The following EXTL1 variants were observed in gnomAD, a reference collection of about 807,000 sequenced individuals.
EXTL1 encodes exostosin-like 1.
Under a neutral mutation model 64.6 loss-of-function variants are expected in EXTL1, and 43 were observed. The observed-to-expected ratio is 0.67, with a 90% CI of 0.52 to 0.86. EXTL1 has a LOEUF of 0.86. Among genes scored for constraint, EXTL1 ranks in the 40% least tolerant of loss-of-function variants. The pLI is 0.00. For synonymous variants in EXTL1, 352 were observed against 360.5 expected, an observed-to-expected ratio of 0.98 and a Z score of 0.27; for missense variants, 766 against 879.0, an observed-to-expected ratio of 0.87 and a Z score of 1.62.
intron 7 of EXTL1, among the ~76,000 whole-genome samples, chr1:26,032,835 C>T (rs2124412534): frequency 6.6e-6 from 1 of 152,276 alleles, no homozygotes; most frequent in Middle Eastern, 3.4e-3. Context: ...GTGTGAACCA[C>T]CTGCCTGCCG....
intron 1 of EXTL1, among the ~76,000 whole-genome samples, chr1:26,024,214 C>A (rs1199699070): frequency 6.6e-6 from 1 of 152,132 alleles, no homozygotes; most frequent in Non-Finnish European, 1.5e-5. Flanking sequence ...GATAGTTATC[C>A]CCTAAGCACT....
In EXTL1 at chr1:26,023,244, T is replaced by C. The variant is rs769123732; in HGVS notation, c.598T>C (p.Phe200Leu). ...GCCCGGCTTTGATGTGGCCCTCCCT[T>C]TTCTCCCTGAAGCCCACCCGTTGCG... The part of the protein sequence containing the change: ...FRPGFDVALP[F>L]LPEAHPLRGG... Residue 200 changes from phenylalanine to leucine, a missense_variant, in exon 1 of 11, where the codon TTT becomes CTT. Physicochemically the swap from Phe to Leu is conservative, Grantham distance 22. Coordinates refer to ENST00000374280, the MANE Select transcript of EXTL1 (RefSeq NM_004455.3). 2 of 1,601,234 alleles carry C rather than the reference T, an allele frequency of 1.2e-6. No individual in the cohort carries two copies. The highest frequency in any genetic ancestry group is 4.5e-5 in the East Asian group (2 of 44,560).
At position 26,032,474 on chromosome 1, in the gene EXTL1, G is replaced by T; in HGVS notation, c.1420G>T (p.Gly474Trp). 6.4e-7 allele frequency: 1 copy of T among 1,551,650 alleles called. No homozygotes were observed. Among genetic ancestry groups the T allele is most frequent in the South Asian group, 1.2e-5 (1 of 84,038 alleles). The change falls in exon 7 of 11, where the codon GGG becomes TGG. Residue 474 changes from glycine (G) to tryptophan (W), a missense_variant. Physicochemically the swap from Gly to Trp is radical, Grantham distance 184. Coordinates refer to ENST00000374280, the MANE Select transcript of EXTL1 (RefSeq NM_004455.3). ...ETAVPLTVID[G>W]HRKVSDRFYP... is the part of the protein sequence containing the mutation. The stretch of plus-strand genomic sequence containing the variant: ...AGCTGTGCCCTTGACAGTCATTGAT[G>T]GGCACAGGAAGGTAAGGGATGAGGA...
Position 26,023,400 on chromosome 1 carries a change from T to C in EXTL1, c.754T>C (p.Cys252Arg). ...CTCTGCCTGCCCCTGGGATGGGCGC[T>C]GTGAGCAAGACCCTGGACCTGGGCA... ...GSSACPWDGR[C>R]EQDPGPGQTQ... Residue 252 changes from cysteine (C) to arginine (R), a missense_variant, in exon 1 of 11, where the codon TGT becomes CGT. Physicochemically the swap from Cys to Arg is radical, Grantham distance 180. Coordinates refer to ENST00000374280, the MANE Select transcript of EXTL1 (RefSeq NM_004455.3). 6.9e-7 allele frequency: 1 copy of C among 1,452,700 alleles called. No homozygotes were observed. Among genetic ancestry groups the C allele is most frequent in the Non-Finnish European group, 9.1e-7 (1 of 1,099,068 alleles). 90.0% of individuals were successfully genotyped at this position (1,452,700 alleles called of 1,614,324 possible). A position where few individuals can be genotyped will look rare whatever the true frequency, so the allele number is the denominator to read the frequency against.
chr1:26,022,502 G>C lies in EXTL1; in HGVS notation c.-145G>C, dbSNP rs1276101741. On this transcript the variant is annotated 5_prime_UTR_variant, in exon 1 of 11. Transcript: ENST00000374280. ...GACCTTAGACAGGCGGCCTGGTCTC[G>C]ATGGGCCTCAGTCTTCCCATCTGTA... The C allele has an allele frequency of 6.0e-6, 4 of 670,632 alleles. No homozygotes were observed. The highest frequency in any genetic ancestry group is 1.0e-5 in the Non-Finnish European group (4 of 392,824). The allele number at this position is 670,632 out of a possible 1,614,324, so 41.5% of individuals were successfully genotyped here.
rs1175757114 is a variant in EXTL1 at position 26,036,051 on chromosome 1, G to A, written c.*704G>A. On this transcript the variant is annotated 3_prime_UTR_variant, in exon 11 of 11. Transcript: ENST00000374280. The surrounding 1 kb of genome is among the most constrained non-coding windows in gnomAD (Gnocchi z 5.2). The stretch of plus-strand genomic sequence containing the variant: ...GTAAACGAGGAGTGGGGCGAGGAAA[G>A]CGGGATGGGAACAAGTGGCCTGTCC... 1 of 152,784 alleles carries A rather than the reference G, an allele frequency of 6.5e-6. No homozygotes were observed. Among genetic ancestry groups the A allele is most frequent in the Non-Finnish European group, 1.5e-5 (1 of 68,144 alleles). 9.5% of individuals were successfully genotyped at this position (152,784 alleles called of 1,614,324 possible). A position where few individuals can be genotyped will look rare whatever the true frequency, so the allele number is the denominator to read the frequency against.
In EXTL1 at chr1:26,035,157, C is replaced by G; in HGVS notation, c.1849-8C>G. ...AGCCCGTTAATGCATTGCTTCTTTC[C>G]CTCTTAGGCGCCTGGGGGCCCGGGG... On this transcript the variant is annotated splice_polypyrimidine_tract_variant and splice_region_variant and intron_variant, in intron 10 of 10. Coordinates refer to ENST00000374280, the MANE Select transcript of EXTL1 (RefSeq NM_004455.3). The surrounding 1 kb of genome is among the most constrained non-coding windows in gnomAD (Gnocchi z 5.3). The G allele has an allele frequency of 1.3e-6, 2 of 1,597,284 alleles. No homozygotes were observed. Among genetic ancestry groups the G allele is most frequent in the Non-Finnish European group, 1.7e-6 (2 of 1,170,236 alleles).
At position 26,034,700 on chromosome 1, in the gene EXTL1, G is replaced by C; in HGVS notation, c.1680-136G>C. On this transcript the variant is annotated intron_variant, in intron 9 of 10. Coordinates refer to ENST00000374280, the MANE Select transcript of EXTL1 (RefSeq NM_004455.3). The surrounding 1 kb of genome is among the most constrained non-coding windows in gnomAD (Gnocchi z 4.6). The stretch of plus-strand genomic sequence containing the variant: ...ATGGAGAGCTGTTCACGCCAGGGAT[G>C]GGAGCTCTCTGAGGCAGCCAGGGCT... The C allele has an allele frequency of 1.2e-6, 1 of 811,484 alleles. No homozygotes were observed. Among genetic ancestry groups the C allele is most frequent in the Non-Finnish European group, 2.0e-6 (1 of 497,782 alleles). 50.3% of individuals were successfully genotyped at this position (811,484 alleles called of 1,614,324 possible).
chr1:26,027,988 A>T (rs534239765), intron 1 of EXTL1, among the ~76,000 whole-genome samples: 1 of 152,208 alleles, frequency 6.6e-6, no homozygotes, highest in Admixed American at 6.5e-5. Context: ...GCCTTAACCT[A>T]GAGGTTTTCA....
At position 26,034,423 on chromosome 1, in the gene EXTL1, G is replaced by A. The variant is rs2050317489; in HGVS notation, c.1680-413G>A. Reference sequence around the variant, plus strand: ...TCAGTAGAGTGAAGAATTACCTAATGTCTGCGAGATGAGGCTGGCCTGTCT... The same window carrying A: ...TCAGTAGAGTGAAGAATTACCTAATATCTGCGAGATGAGGCTGGCCTGTCT... On this transcript the variant is annotated intron_variant, in intron 9 of 10. Transcript: ENST00000374280. This position sits in a 1 kb window ranked among gnomAD's most constrained non-coding sequence, Gnocchi z 4.6. Among the ~76,000 whole-genome samples the A allele has an allele frequency of 6.6e-6, 1 of 152,244 alleles. No individual in the cohort carries two copies. The highest frequency in any genetic ancestry group is 2.4e-5 in the African/African-American group (1 of 41,468).
intron 1 of EXTL1, among the ~76,000 whole-genome samples, chr1:26,027,693 A>AAAAAAAAAAAAAAAAAAAAAAAG (rs1553141858): frequency 7.6e-6 from 1 of 131,554 alleles, no homozygotes; most frequent in African/African-American, 3.0e-5. Flanking sequence ...CATCTCTAAA[A>AAAAAAAAAAAAAAAAAAAAAAAG]AAAAAAAAAA....
chr1:26,026,487 T>G (rs1006360904), intron 1 of EXTL1, among the ~76,000 whole-genome samples: 1 of 151,760 alleles, frequency 6.6e-6, no homozygotes, highest in Non-Finnish European at 1.5e-5. Flanking sequence ...AGAGATGGGG[T>G]TTCACCATGT....
At position 26,032,316 on chromosome 1, in the gene EXTL1, T is replaced by C. The variant is rs1421482010; in HGVS notation, c.1342-80T>C. Reference sequence around the variant, plus strand: ...CTGACTTCTCAAACTTCTTCCACCTTGAGAAAGATCACTCCTGCCCCTCGC... The same window carrying C: ...CTGACTTCTCAAACTTCTTCCACCTCGAGAAAGATCACTCCTGCCCCTCGC... On this transcript the variant is annotated intron_variant, in intron 6 of 10. Transcript: ENST00000374280. 23 of 907,020 alleles carry C rather than the reference T, an allele frequency of 2.5e-5. No homozygotes were observed. The East Asian group carries it at 6.1e-4, about 24-fold the overall frequency. The allele number at this position is 907,020 out of a possible 1,614,324, so 56.2% of individuals were successfully genotyped here. A position where few individuals can be genotyped will look rare whatever the true frequency, so the allele number is the denominator to read the frequency against.
intron 1 of EXTL1, among the ~76,000 whole-genome samples, chr1:26,026,316 CAA>C (rs2050215933): frequency 1.6e-5 from 2 of 121,236 alleles, no homozygotes; most frequent in Non-Finnish European, 3.4e-5. Context: ...TTTTTTGAGA[CAA>C]AGTCTTTCTC....
chr1:26,030,436 T>C lies in EXTL1; in HGVS notation c.982-40T>C, dbSNP rs747280408. 4 of 1,584,492 alleles carry C rather than the reference T, an allele frequency of 2.5e-6. No individual in the cohort carries two copies. The East Asian group carries it at 9.1e-5, about 36-fold the overall frequency. On this transcript the variant is annotated intron_variant, in intron 3 of 10. Coordinates refer to ENST00000374280, the MANE Select transcript of EXTL1 (RefSeq NM_004455.3). ...CAGCGTCGACCTCCTGGGCTCAAAATTGCTCTATTACCTGGCACTTTTCTC... is the reference window on the plus strand; with the variant it reads ...CAGCGTCGACCTCCTGGGCTCAAAACTGCTCTATTACCTGGCACTTTTCTC...
chr1:26,028,319 A>G (rs934660146), intron 1 of EXTL1, among the ~76,000 whole-genome samples: 9 of 152,192 alleles, frequency 5.9e-5, no homozygotes, highest in African/African-American at 2.2e-4. Context: ...CATCTGTTCA[A>G]TGGGGCATGG....
In EXTL1 at chr1:26,022,997, C is replaced by T. The variant is rs1569643418; in HGVS notation, c.351C>T (p.Ser117=). 6.2e-7 allele frequency: 1 copy of T among 1,614,184 alleles called. No individual in the cohort carries two copies. Among genetic ancestry groups the T allele is most frequent in the East Asian group, 2.2e-5 (1 of 44,870 alleles). Residue 117 remains serine, a synonymous_variant, in exon 1 of 11, where the codon TCC becomes TCT. Coordinates refer to ENST00000374280, the MANE Select transcript of EXTL1 (RefSeq NM_004455.3). The part of the protein sequence containing the change: ...ISETHRRILA[S]IEGSRFYTFS... ...AGACTCATCGCAGGATCCTGGCTTC[C>T]ATTGAGGGCTCTCGCTTCTACACAT...
rs2050163237 is a variant in EXTL1 at position 26,022,643 on chromosome 1, C to T, written c.-4C>T. On this transcript the variant is annotated 5_prime_UTR_variant, in exon 1 of 11. Transcript: ENST00000374280. ...CTTCCCTAGCCCTGACTGTGGGTGG[C>T]CACATGCAGTCGTGGAGGAGAAGAA... 6.3e-7 allele frequency: 1 copy of T among 1,577,130 alleles called. No individual in the cohort carries two copies. Among genetic ancestry groups the T allele is most frequent in the Non-Finnish European group, 8.6e-7 (1 of 1,160,100 alleles).
At chr1:26,031,395 C>G in intron 5 of EXTL1, 65 bp from the exon 6 acceptor site, 2 of 1,370,454 alleles carry the variant, frequency 1.5e-6, no homozygotes, top group East Asian at 2.5e-5. Flanking sequence ...GGATTCCCTA[C>G]TCAGGTCATT....
Sources: allele counts gnomAD v4.1 joint callset (sites outside exome capture counted in the v4.1 genomes callset), GRCh38; gene constraint gnomAD v4.1.1; non-coding constraint Gnocchi (gnomAD v3.1); transcripts MANE v1.5; gene names NCBI Gene and HGNC (gene_info 2026-07-23, HGNC 2026-07-21).